Variants in FRYL observed in about 807,000 individuals in gnomAD.
The protein encoded by FRYL is protein furry homolog-like.
FRYL carries 150 observed loss-of-function variants against 351.2 expected under a neutral mutation model. The ratio of observed to expected loss-of-function variants is 0.43; its 90% CI spans 0.37 to 0.49. The LOEUF is 0.49. Ranked by LOEUF, FRYL falls within the 20% of genes least tolerant of loss-of-function variation. The pLI, the probability that FRYL is intolerant of heterozygous loss-of-function variation, is 0.00. For synonymous variants in FRYL, 1,153 were observed against 1,257.1 expected, an observed-to-expected ratio of 0.92 and a Z score of 1.75; for missense variants, 3,036 against 3,619.3, an observed-to-expected ratio of 0.84 and a Z score of 4.13.
At chr4:48,669,186 G>A (rs1339729427) in intron 3 of FRYL, among the ~76,000 whole-genome samples, 3 of 151,742 alleles carry the variant, frequency 2.0e-5, no homozygotes, top group Non-Finnish European at 2.9e-5. Context: ...TTTTACCTTA[G>A]ATTCAATACT....
Position 48,539,979 on chromosome 4 carries a change from T to C in FRYL, c.6385A>G (p.Ile2129Val), listed in dbSNP as rs1346004504. Residue 2129 changes from isoleucine (I) to valine (V), a missense_variant, in exon 47 of 64, where the codon ATA becomes GTA. Around this residue, in one of 7 missense-constraint regions of FRYL, gnomAD observed 1,987 missense variants for 2,311.7 expected, o/e 0.86. Coordinates refer to ENST00000358350, the MANE Select transcript of FRYL (RefSeq NM_015030.2). ...GCATAACATTTGCTTACCTTTGCTA[T>C]TCGACTAGCTGTTTCTTTGCAAAAC... ...TQFCKETASR[I>V]AKVCAEEKCP... The C allele has an allele frequency of 3.1e-6, 5 of 1,609,560 alleles. No homozygotes were observed. The highest frequency in any genetic ancestry group is 1.7e-5 in the Admixed American group (1 of 59,902).
intron 9 of FRYL, 46 bp from the exon 10 acceptor site, chr4:48,606,652 A>G (rs368170414): frequency 2.7e-6 from 4 of 1,470,318 alleles, no homozygotes; most frequent in Admixed American, 1.8e-5. Flanking sequence ...TAAAAACACT[A>G]ATTTCCACAT....
chr4:48,668,360 C>T (rs1472523826), intron 3 of FRYL, among the ~76,000 whole-genome samples: 1 of 144,074 alleles, frequency 6.9e-6, no homozygotes, highest in Non-Finnish European at 1.5e-5. Context: ...GCCTAGGTGA[C>T]AGAGCAACAC....
At chr4:48,514,838 A>G (rs922379147) in intron 56 of FRYL, among the ~76,000 whole-genome samples, 190 bp downstream of exon 56, 18 of 152,232 alleles carry the variant, frequency 1.2e-4, no homozygotes, top group Admixed American at 5.2e-4. Flanking sequence ...GAAATATCCC[A>G]TTAGAGTCAG....
At chr4:48,623,684 T>TA (rs1751154371) in intron 4 of FRYL, among the ~76,000 whole-genome samples, 1 of 152,146 alleles carries the variant, frequency 6.6e-6, no homozygotes, top group Non-Finnish European at 1.5e-5. Flanking sequence ...TCAGTTTTCT[T>TA]ATCTGAAAAA....
intron 1 of FRYL, among the ~76,000 whole-genome samples, chr4:48,779,001 C>T (rs1456661215): frequency 8.3e-5 from 1 of 12,062 alleles, no homozygotes; most frequent in African/African-American, 1.2e-4. Context: ...ACACCCTAAC[C>T]CCCACCCCCT....
chr4:48,544,974 C>A, intron 42 of FRYL, 70 bp from the exon 43 acceptor site: 2 of 1,476,916 alleles, frequency 1.4e-6, no homozygotes, highest in South Asian at 1.4e-5. Context: ...TCACACTTGC[C>A]TAAATTACAC....
intron 4 of FRYL, among the ~76,000 whole-genome samples, chr4:48,623,602 C>A (rs1480685569): frequency 6.6e-6 from 1 of 152,050 alleles, no homozygotes; most frequent in Non-Finnish European, 1.5e-5. Flanking sequence ...AGCCAGAGGG[C>A]CTTGGTGTGA....
intron 47 of FRYL, among the ~76,000 whole-genome samples, chr4:48,539,734 G>C (rs952381573): frequency 1.3e-5 from 2 of 152,148 alleles, no homozygotes; most frequent in Non-Finnish European, 2.9e-5. Context: ...AGCAGAAAAA[G>C]ACTCAGACTC....
At chr4:48,575,954 A>G in intron 24 of FRYL, 76 bp downstream of exon 24, 1 of 1,239,270 alleles carries the variant, frequency 8.1e-7, no homozygotes. Context: ...ATTGTCCATA[A>G]AAAGAAATTT....
chr4:48,693,490 T>C (rs1361515735), intron 2 of FRYL, among the ~76,000 whole-genome samples: 2 of 152,108 alleles, frequency 1.3e-5, no homozygotes, highest in Non-Finnish European at 2.9e-5. Flanking sequence ...ATTCTCCCCG[T>C]TTATTTTTTA....
chr4:48,626,181 G>A (rs897121706), intron 4 of FRYL, among the ~76,000 whole-genome samples: 2 of 152,018 alleles, frequency 1.3e-5, no homozygotes, highest in Admixed American at 1.3e-4. Flanking sequence ...AAACCAGGAG[G>A]TATGGAGAAG....
At chr4:48,763,435 C>T (rs1389014735) in intron 1 of FRYL, among the ~76,000 whole-genome samples, 4 of 152,102 alleles carry the variant, frequency 2.6e-5, no homozygotes, top group African/African-American at 9.7e-5. Context: ...GTACTCCAAC[C>T]TGGATGACAG....
intron 41 of FRYL, chr4:48,547,329 T>C (rs1731577773): frequency 1.1e-5 from 3 of 281,720 alleles, no homozygotes; most frequent in African/African-American, 4.4e-5. Flanking sequence ...TTAAGCAGTT[T>C]CATTATGTCT....
rs188600443 is a variant in FRYL at position 48,620,319 on chromosome 4, A to C, written c.314+320T>G. Among the ~76,000 whole-genome samples, 5 of 152,314 alleles carry C rather than the reference A, an allele frequency of 3.3e-5. No individual in the cohort carries two copies. The East Asian group carries it at 9.6e-4, about 29-fold the overall frequency. The stretch of plus-strand genomic sequence containing the variant: ...AACCATATGAACAGGAACTTCTTTG[A>C]ATATTTTCTTAACTTTATGACTATT... On this transcript the variant is annotated intron_variant, in intron 6 of 63. Transcript: ENST00000358350.
intron 57 of FRYL, among the ~76,000 whole-genome samples, chr4:48,512,129 A>C (rs1423365432): frequency 6.6e-6 from 1 of 152,202 alleles, no homozygotes; most frequent in Non-Finnish European, 1.5e-5. Flanking sequence ...TTAAGCCTTG[A>C]TTATAAGCTG....
chr4:48,516,985 G>T (rs908663513), intron 55 of FRYL, among the ~76,000 whole-genome samples: 1 of 152,110 alleles, frequency 6.6e-6, no homozygotes, highest in Admixed American at 6.6e-5. Context: ...CAGAAATAAC[G>T]CCATGAAAAC....
intron 9 of FRYL, among the ~76,000 whole-genome samples, chr4:48,607,082 A>G (rs1747001708): frequency 6.6e-6 from 1 of 152,180 alleles, no homozygotes; most frequent in Admixed American, 6.5e-5. Context: ...TCAATACATC[A>G]TTACACTGCC....
At position 48,602,039 on chromosome 4, in the gene FRYL, T is replaced by G; in HGVS notation, c.1016A>C (p.Asn339Thr). ...FLNNWHIFLQ[N>T]CLSHLKNKDP... Reference sequence around the variant, plus strand: ...TCTTACCTTTAAATGTGACAAACAGTTCTGTAGGAAAATATGCCAGTTATT... The same window carrying G: ...TCTTACCTTTAAATGTGACAAACAGGTCTGTAGGAAAATATGCCAGTTATT... Residue 339 changes from asparagine to threonine, a missense_variant, in exon 13 of 64, where the codon AAC (asparagine) becomes ACC (threonine). By Grantham distance (65) the Asn-to-Thr change is moderately conservative (BLOSUM62 0). Around this residue, in one of 7 missense-constraint regions of FRYL, gnomAD observed 457 missense variants for 566.6 expected, o/e 0.81. Coordinates refer to ENST00000358350, the MANE Select transcript of FRYL (RefSeq NM_015030.2). 14 of 1,582,850 alleles carry G rather than the reference T, an allele frequency of 8.8e-6. No homozygotes were observed. The highest frequency in any genetic ancestry group is 1.2e-5 in the Non-Finnish European group (14 of 1,152,616).
Sources: allele counts gnomAD v4.1 joint callset (sites outside exome capture counted in the v4.1 genomes callset), GRCh38; gene constraint gnomAD v4.1.1; regional missense constraint gnomAD v4.1.1; transcripts MANE v1.5; gene names NCBI Gene and HGNC (gene_info 2026-07-23, HGNC 2026-07-21).